The following AGTPBP1 variants were observed in gnomAD, a reference collection of about 807,000 sequenced individuals.
AGTPBP1 encodes the protein ATP/GTP binding carboxypeptidase 1.
Under a neutral mutation model 143.9 loss-of-function variants are expected in AGTPBP1, and 70 were observed. The ratio of observed to expected loss-of-function variants is 0.49; its 90% CI spans 0.40 to 0.59. The LOEUF (loss-of-function observed/expected upper bound fraction) is 0.59, where lower values mean the gene tolerates loss of function less well. Among genes scored for constraint, AGTPBP1 ranks in the 20% least tolerant of loss-of-function variants. The probability of loss-of-function intolerance (pLI) is 0.00; values close to 1 mark genes in which losing one functional copy is unlikely to be tolerated. For missense variants in AGTPBP1, 1,229 were observed against 1,464.5 expected, an observed-to-expected ratio of 0.84 and a Z score of 2.62; for synonymous variants, 463 against 500.2, an observed-to-expected ratio of 0.93 and a Z score of 0.99.
the AGTPBP1 span, among the ~76,000 whole-genome samples, chr9:85,798,011 G>A: frequency 2.6e-5 from 4 of 151,438 alleles, no homozygotes; most frequent in African/African-American, 9.7e-5. Flanking sequence ...TCCTGCCTCC[G>A]CCTCTCAAGT....
chr9:85,719,203 A>C (rs1165509586), intron 1 of AGTPBP1, among the ~76,000 whole-genome samples: 1 of 152,174 alleles, frequency 6.6e-6, no homozygotes, highest in Non-Finnish European at 1.5e-5. Flanking sequence ...TTCTGTGAAG[A>C]AAGTCATCGG....
chr9:85,620,419 C>CT (rs1830855064), intron 15 of AGTPBP1, among the ~76,000 whole-genome samples: 5 of 100,888 alleles, frequency 5.0e-5, no homozygotes, highest in Admixed American at 4.3e-4. Context: ...GGGACTTCAT[C>CT]TAAAAAAAAA....
intron 25 of AGTPBP1, among the ~76,000 whole-genome samples, chr9:85,561,601 T>C (rs983503043): frequency 2.0e-5 from 3 of 151,366 alleles, no homozygotes; most frequent in African/African-American, 7.3e-5. Context: ...AAAAGAAAAA[T>C]GATCTCAGAT....
chr9:85,706,733 G>C (rs941196328), intron 2 of AGTPBP1, among the ~76,000 whole-genome samples: 1 of 151,310 alleles, frequency 6.6e-6, no homozygotes, highest in Admixed American at 6.6e-5. Flanking sequence ...AGAATTAGCC[G>C]GGCATGGTGG....
At chr9:85,703,159 T>G (rs1434291345) in intron 2 of AGTPBP1, among the ~76,000 whole-genome samples, 1 of 152,212 alleles carries the variant, frequency 6.6e-6, no homozygotes, top group Non-Finnish European at 1.5e-5. Flanking sequence ...CTGCAGCTAA[T>G]GTTTCCTAAT....
chr9:85,725,027 T>A (rs1016132870), intron 1 of AGTPBP1, among the ~76,000 whole-genome samples: 2 of 152,158 alleles, frequency 1.3e-5, no homozygotes, highest in Non-Finnish European at 2.9e-5. Flanking sequence ...AACTTGGAAG[T>A]TTAAAAACCA....
chr9:85,619,286 T>C lies in AGTPBP1; in HGVS notation c.2115A>G (p.Glu705=). ...AGTTAAATTTCAAAATATCTCCCTC[T>C]TCTGGAATGGTGTAACTAAATAAAA... The part of the protein sequence containing the change: ...DLDNPNYTIP[E]EGDILKFNSK... The change falls in exon 16 of 26, where the codon GAA becomes GAG. Residue 705 remains glutamate (E), a synonymous_variant. Coordinates refer to ENST00000357081, the MANE Select transcript of AGTPBP1 (RefSeq NM_001330701.2). The C allele has an allele frequency of 6.2e-7, 1 of 1,612,078 alleles. No individual in the cohort carries two copies. The highest frequency in any genetic ancestry group is 8.5e-7 in the Non-Finnish European group (1 of 1,178,820).
intron 7 of AGTPBP1, among the ~76,000 whole-genome samples, chr9:85,671,857 G>C (rs1466985781): frequency 6.6e-6 from 1 of 152,140 alleles, no homozygotes; most frequent in Admixed American, 6.5e-5. Flanking sequence ...TTGCTGAAGA[G>C]AATTAGCTCC....
intron 17 of AGTPBP1, among the ~76,000 whole-genome samples, chr9:85,603,443 A>T (rs1829794899): frequency 1.3e-5 from 2 of 152,140 alleles, no homozygotes; most frequent in South Asian, 4.1e-4. Context: ...AAAGGGAACA[A>T]CCCAGTCCTG....
At chr9:85,594,196 C>A (rs139878896) in intron 18 of AGTPBP1, among the ~76,000 whole-genome samples, 4 of 152,088 alleles carry the variant, frequency 2.6e-5, no homozygotes, top group Non-Finnish European at 5.9e-5. Flanking sequence ...ACCAGTGAAA[C>A]ATATATTATT....
chr9:85,796,929 G>A, the AGTPBP1 span, among the ~76,000 whole-genome samples: 1 of 152,020 alleles, frequency 6.6e-6, no homozygotes, highest in African/African-American at 2.4e-5. Context: ...TGGGACTACA[G>A]GTGCCCACCA....
At chr9:85,547,926 T>G (rs1825818843) in intron 25 of AGTPBP1, among the ~76,000 whole-genome samples, 1 of 152,238 alleles carries the variant, frequency 6.6e-6, no homozygotes, top group Admixed American at 6.5e-5. Context: ...TGTTTGGGAC[T>G]GAGACAACTT....
At chr9:85,728,145 C>T (rs117027322) in intron 1 of AGTPBP1, among the ~76,000 whole-genome samples, 3,159 of 150,992 alleles carry the variant, frequency 0.021, 43 homozygotes, top group Middle Eastern at 0.037. Context: ...AATCTTAAAA[C>T]GTTTCCATTG....
chr9:85,663,173 A>G (rs1042514887), intron 8 of AGTPBP1, among the ~76,000 whole-genome samples: 1 of 152,124 alleles, frequency 6.6e-6, no homozygotes, highest in African/African-American at 2.4e-5. Flanking sequence ...CTGTACAGGG[A>G]TTTTCAGCGA....
At chr9:85,562,803 T>C (rs769155105) in intron 25 of AGTPBP1, among the ~76,000 whole-genome samples, 4 of 152,192 alleles carry the variant, frequency 2.6e-5, no homozygotes, top group Non-Finnish European at 4.4e-5. Flanking sequence ...ATATCTGAAA[T>C]TGGGCGAATA....
chr9:85,773,970 C>T, the AGTPBP1 span: 349 of 1,610,346 alleles, frequency 2.2e-4, 1 homozygote, highest in African/African-American at 3.4e-3. Flanking sequence ...GCAGTGTGAC[C>T]GGAGACTGAC....
the AGTPBP1 span, chr9:85,787,767 T>C: frequency 1.3e-5 from 2 of 152,224 alleles, no homozygotes; most frequent in Non-Finnish European, 1.5e-5. Context: ...TTGAGTTTCT[T>C]AAACTAATTA....
At chr9:85,672,784 G>C (rs1834573699) in intron 6 of AGTPBP1, 103 bp from the exon 7 acceptor site, 5 of 882,056 alleles carry the variant, frequency 5.7e-6, no homozygotes, top group Non-Finnish European at 8.0e-6. Flanking sequence ...ATCCAGGCTG[G>C]AGTGCAGTGG....
chr9:85,739,911 G>T (rs931666111), intron 1 of AGTPBP1, among the ~76,000 whole-genome samples: 2 of 151,568 alleles, frequency 1.3e-5, no homozygotes, highest in African/African-American at 4.8e-5. Context: ...GCTGAGGCGG[G>T]AGAATCGCTT....
Sources: allele counts gnomAD v4.1 joint callset (sites outside exome capture counted in the v4.1 genomes callset), GRCh38; gene constraint gnomAD v4.1.1; transcripts MANE v1.5; gene names NCBI Gene and HGNC (gene_info 2026-07-23, HGNC 2026-07-21).